The following CAMTA1 variants were observed in gnomAD, a reference collection of about 807,000 sequenced individuals.
CAMTA1 encodes calmodulin binding transcription activator 1, also known as calmodulin-binding transcription activator 1.
A neutral mutation model predicts 170.9 loss-of-function variants in CAMTA1; 27 were observed. The observed-to-expected ratio is 0.16, with a 90% confidence interval of 0.12 to 0.22. CAMTA1 has a LOEUF of 0.22. Among genes scored for constraint, CAMTA1 ranks in the 10% least tolerant of loss-of-function variants. The pLI, the probability that CAMTA1 is intolerant of heterozygous loss-of-function variation, is 1.00. For missense variants in CAMTA1, 1,619 were observed against 2,217.2 expected (o/e 0.73, Z 5.42); for synonymous variants, 833 against 891.5 (o/e 0.93, Z 1.17).
intron 3 of CAMTA1, among the ~76,000 whole-genome samples, chr1:6,878,024 G>A (rs1053903950): frequency 1.3e-5 from 2 of 152,214 alleles, no homozygotes; most frequent in South Asian, 4.1e-4. Context: ...CTGATAGACT[G>A]CACGTATCTG....
chr1:7,387,510 C>A (rs566094971), intron 5 of CAMTA1, among the ~76,000 whole-genome samples: 10 of 152,336 alleles, frequency 6.6e-5, no homozygotes, highest in African/African-American at 2.4e-4. Context: ...CAAGCAGGGT[C>A]CCAGCTGCCC....
At chr1:7,506,262 C>T (rs546334103) in intron 6 of CAMTA1, among the ~76,000 whole-genome samples, 3 of 152,210 alleles carry the variant, frequency 2.0e-5, no homozygotes, top group Non-Finnish European at 2.9e-5. Flanking sequence ...GGGACTGAGT[C>T]CCAGGTGCCC....
chr1:7,502,893 G>T (rs1015850128), intron 6 of CAMTA1, among the ~76,000 whole-genome samples: 1 of 152,192 alleles, frequency 6.6e-6, no homozygotes, highest in African/African-American at 2.4e-5. Flanking sequence ...GCCCTGCCCT[G>T]TGGCCCCTGC....
intron 5 of CAMTA1, among the ~76,000 whole-genome samples, chr1:7,398,193 C>CTCTATATATATATATATATATATA: frequency 5.9e-5 from 1 of 16,900 alleles, no homozygotes; most frequent in African/African-American, 1.9e-4. Flanking sequence ...CTCTCTCTCT[C>CTCTATATATATATATATATATATA]TATATATATA....
intron 4 of CAMTA1, among the ~76,000 whole-genome samples, chr1:7,129,635 GT>G (rs112682000): frequency 0.049 from 7,416 of 152,162 alleles, 515 homozygotes; most frequent in African/African-American, 0.16. Flanking sequence ...TTCATTTATA[GT>G]TTTATCAAGA....
At chr1:6,897,482 C>T (rs1199407933) in intron 3 of CAMTA1, among the ~76,000 whole-genome samples, 1 of 21,138 alleles carries the variant, frequency 4.7e-5, no homozygotes, top group Non-Finnish European at 1.1e-4. Context: ...CATATATACA[C>T]CCCCAGATTG....
Position 7,443,021 on chromosome 1 carries a change from T to C in CAMTA1, c.439-24809T>C, listed in dbSNP as rs529692269. Among the ~76,000 whole-genome samples the C allele has an allele frequency of 1.3e-5, 2 of 151,744 alleles. No homozygotes were observed. Among genetic ancestry groups the C allele is most frequent in the Non-Finnish European group, 3.0e-5 (2 of 67,710 alleles). ...TTCCATCCCTGTCTTTGAACACTTC[T>C]TCCTGCCTGTGGTCTCTCCTTGCCC... On this transcript the variant is annotated intron_variant, in intron 5 of 22. Transcript: ENST00000303635. This position sits in a 1 kb window ranked among gnomAD's most constrained non-coding sequence, Gnocchi z 4.1.
chr1:7,090,721 T>C (rs1190119922), intron 3 of CAMTA1, among the ~76,000 whole-genome samples: 1 of 152,216 alleles, frequency 6.6e-6, no homozygotes. Flanking sequence ...GTTGCTCTTC[T>C]TTTGGATGTG....
intron 11 of CAMTA1, among the ~76,000 whole-genome samples, chr1:7,724,235 C>A (rs2096668083): frequency 6.6e-6 from 1 of 152,168 alleles, no homozygotes; most frequent in South Asian, 2.1e-4. Context: ...GATCCTGGAA[C>A]AGAAAAAGGA....
chr1:7,616,128 C>A (rs1475312533), intron 6 of CAMTA1, among the ~76,000 whole-genome samples: 3 of 152,234 alleles, frequency 2.0e-5, no homozygotes, highest in Non-Finnish European at 4.4e-5. Flanking sequence ...TGGGCTTCCC[C>A]AGCTATAATT....
chr1:7,755,554 T>C (rs774629052), intron 21 of CAMTA1, 84 bp from the exon 22 acceptor site: 47 of 1,060,468 alleles, frequency 4.4e-5, no homozygotes, highest in Non-Finnish European at 6.1e-5. Context: ...TATATTCTTT[T>C]TTGTTGAAAT....
chr1:7,745,679 C>T (rs1046863212), intron 17 of CAMTA1, among the ~76,000 whole-genome samples, 166 bp from the exon 18 acceptor site: 2 of 152,080 alleles, frequency 1.3e-5, no homozygotes, highest in Non-Finnish European at 2.9e-5. Flanking sequence ...CTTACTCAAT[C>T]GAAGGACACT....
intron 3 of CAMTA1, among the ~76,000 whole-genome samples, chr1:6,989,358 C>T (rs982206857): frequency 6.6e-6 from 1 of 152,208 alleles, no homozygotes; most frequent in African/African-American, 2.4e-5. Flanking sequence ...TTTGAGAAAG[C>T]GATTTACATG....
intron 3 of CAMTA1, among the ~76,000 whole-genome samples, chr1:6,853,703 A>G (rs1661238850): frequency 6.6e-6 from 1 of 152,234 alleles, no homozygotes; most frequent in African/African-American, 2.4e-5. Flanking sequence ...AGGATGTAGA[A>G]AAGTTGAAAA....
chr1:7,567,026 AG>A (rs1557928771), intron 6 of CAMTA1, among the ~76,000 whole-genome samples: 1 of 152,206 alleles, frequency 6.6e-6, no homozygotes. Flanking sequence ...TCTGGGATGG[AG>A]GAGGCTCAGA....
intron 5 of CAMTA1, among the ~76,000 whole-genome samples, chr1:7,370,972 C>T (rs113761909): frequency 0.017 from 2,176 of 130,060 alleles, 61 homozygotes; most frequent in African/African-American, 0.059. Context: ...AGTGCAGTGG[C>T]GCGATCTCGG....
intron 4 of CAMTA1, among the ~76,000 whole-genome samples, chr1:7,184,770 G>C (rs1416150026): frequency 6.6e-6 from 1 of 152,070 alleles, no homozygotes; most frequent in African/African-American, 2.4e-5. Context: ...AAACATCATG[G>C]GCTAGAGACG....
Position 7,659,396 on chromosome 1 carries a change from C to T in CAMTA1, c.665-2330C>T, listed in dbSNP as rs957459424. ...TAAAAATACAAAAATTAGCCAGGCCCGGTGGCAGGCGCCTGTAATCCCAGC... is the reference window on the plus strand; with the variant it reads ...TAAAAATACAAAAATTAGCCAGGCCTGGTGGCAGGCGCCTGTAATCCCAGC... On this transcript the variant is annotated intron_variant, in intron 7 of 22. Transcript: ENST00000303635. Among the ~76,000 whole-genome samples, 15 of 152,002 alleles carry T rather than the reference C, an allele frequency of 9.9e-5. 1 individual carries two copies. Among genetic ancestry groups the T allele is most frequent in the South Asian group, 6.2e-4 (3 of 4,810 alleles).
In CAMTA1 at chr1:6,965,497, C is replaced by T. The variant is rs941016659; in HGVS notation, c.235-125807C>T. Reference sequence around the variant, plus strand: ...AAATGTGGTTTATTAGCCCCCCTGGCTCAGAGGGGGCTGGGCACTGGTAGC... The same window carrying T: ...AAATGTGGTTTATTAGCCCCCCTGGTTCAGAGGGGGCTGGGCACTGGTAGC... On this transcript the variant is annotated intron_variant, in intron 3 of 22. Coordinates refer to ENST00000303635, the MANE Select transcript of CAMTA1 (RefSeq NM_015215.4). The surrounding 1 kb of genome is among the most constrained non-coding windows in gnomAD (Gnocchi z 4.1). Among the ~76,000 whole-genome samples the T allele has an allele frequency of 2.0e-5, 3 of 152,058 alleles. No homozygotes were observed. The highest frequency in any genetic ancestry group is 7.2e-5 in the African/African-American group (3 of 41,396).
Sources: allele counts gnomAD v4.1 joint callset (sites outside exome capture counted in the v4.1 genomes callset), GRCh38; gene constraint gnomAD v4.1.1; non-coding constraint Gnocchi (gnomAD v3.1); transcripts MANE v1.5; gene names NCBI Gene and HGNC (gene_info 2026-07-23, HGNC 2026-07-21).